The following EHBP1 variants were observed in gnomAD, a reference collection of about 807,000 sequenced individuals.
EHBP1 encodes EH domain binding protein 1, also known as EH domain-binding protein 1.
In EHBP1, 55 loss-of-function variants were observed where a neutral mutation model predicts 144.0. The ratio of observed to expected loss-of-function variants is 0.38; its 90% CI spans 0.31 to 0.48. EHBP1 has a LOEUF of 0.48. EHBP1 is among the 20% of genes least tolerant of loss of function. The pLI, the probability that EHBP1 is intolerant of heterozygous loss-of-function variation, is 0.98. For missense variants in EHBP1, 1,200 were observed against 1,364.2 expected (o/e 0.88, Z 1.90); for synonymous variants, 469 against 472.7 (o/e 0.99, Z 0.10).
intron 2 of EHBP1, among the ~76,000 whole-genome samples, chr2:62,739,094 G>A (rs997060877): frequency 8.5e-5 from 13 of 152,112 alleles, no homozygotes; most frequent in African/African-American, 2.9e-4. Context: ...TTAACTATTC[G>A]TTACATTGGT....
At chr2:62,979,536 AT>A (rs2058867611) in intron 15 of EHBP1, among the ~76,000 whole-genome samples, 1 of 152,216 alleles carries the variant, frequency 6.6e-6, no homozygotes, top group Admixed American at 6.5e-5. Flanking sequence ...TTTTGGCTTC[AT>A]TTAAAAATAC....
chr2:62,924,071 A>C (rs1260129315), intron 10 of EHBP1, among the ~76,000 whole-genome samples: 2 of 152,130 alleles, frequency 1.3e-5, no homozygotes, highest in Non-Finnish European at 2.9e-5. Context: ...CATCCTGTGG[A>C]TCGCCCCCAG....
intron 3 of EHBP1, among the ~76,000 whole-genome samples, chr2:62,756,430 C>T (rs2040286005): frequency 6.6e-6 from 1 of 152,116 alleles, no homozygotes; most frequent in Non-Finnish European, 1.5e-5. Flanking sequence ...AGATGTACTT[C>T]TTGTGAAAAG....
intron 14 of EHBP1, among the ~76,000 whole-genome samples, chr2:62,962,752 A>G (rs993260047): frequency 6.6e-6 from 1 of 152,376 alleles, no homozygotes; most frequent in South Asian, 2.1e-4. Context: ...CAGTGAATTT[A>G]TAAATATGTT....
At chr2:63,026,196 A>T (rs905478247) in intron 19 of EHBP1, among the ~76,000 whole-genome samples, 13 of 152,080 alleles carry the variant, frequency 8.5e-5, no homozygotes, top group Non-Finnish European at 1.3e-4. Flanking sequence ...AAAAACTCTG[A>T]CACTCTGCTG....
intron 10 of EHBP1, among the ~76,000 whole-genome samples, chr2:62,922,268 G>A (rs756594277): frequency 3.9e-5 from 6 of 152,180 alleles, no homozygotes; most frequent in Non-Finnish European, 8.8e-5. Flanking sequence ...GGACAAAGAA[G>A]GGTTGGTCTT....
At chr2:62,909,628 C>T (rs1281149543) in intron 10 of EHBP1, among the ~76,000 whole-genome samples, 1 of 152,224 alleles carries the variant, frequency 6.6e-6, no homozygotes, top group African/African-American at 2.4e-5. Flanking sequence ...GAAATGTCAG[C>T]TGGCAAAAAT....
chr2:62,964,683 T>C (rs901901498), intron 14 of EHBP1, among the ~76,000 whole-genome samples: 1 of 152,222 alleles, frequency 6.6e-6, no homozygotes, highest in Non-Finnish European at 1.5e-5. Context: ...ATTAATTGTT[T>C]TGTACATTTC....
intron 2 of EHBP1, among the ~76,000 whole-genome samples, chr2:62,722,559 T>C (rs987018087): frequency 6.6e-6 from 1 of 152,248 alleles, no homozygotes; most frequent in African/African-American, 2.4e-5. Context: ...AAGAATTCCA[T>C]TGATACCAAA....
intron 5 of EHBP1, among the ~76,000 whole-genome samples, chr2:62,776,341 T>C (rs1207650010): frequency 6.6e-6 from 1 of 152,210 alleles, no homozygotes; most frequent in Non-Finnish European, 1.5e-5. Flanking sequence ...ATTTCACAGC[T>C]TCCATGTAGT....
intron 7 of EHBP1, among the ~76,000 whole-genome samples, chr2:62,838,997 C>T (rs1457446257): frequency 3.1e-4 from 45 of 144,740 alleles, no homozygotes; most frequent in East Asian, 4.0e-4. Flanking sequence ...TTTATGAGGC[C>T]AGCATCATTC....
intron 10 of EHBP1, among the ~76,000 whole-genome samples, chr2:62,916,850 G>A (rs955382070): frequency 8.0e-5 from 12 of 149,778 alleles, no homozygotes; most frequent in Middle Eastern, 3.5e-3. Flanking sequence ...TATATTCATT[G>A]TGTATATAAA....
chr2:62,864,079 C>T (rs927131834), intron 8 of EHBP1, among the ~76,000 whole-genome samples: 2 of 151,924 alleles, frequency 1.3e-5, no homozygotes, highest in Non-Finnish European at 2.9e-5. Flanking sequence ...ACTCCTTGAC[C>T]TCAAGTGATC....
At chr2:62,711,158 C>G (rs1171562261) in intron 2 of EHBP1, among the ~76,000 whole-genome samples, 3 of 152,112 alleles carry the variant, frequency 2.0e-5, no homozygotes, top group Non-Finnish European at 4.4e-5. Flanking sequence ...CACACACATA[C>G]CCTCACACAC....
chr2:62,705,520 G>C (rs1484826064), upstream of EHBP1: 2 of 151,998 alleles, frequency 1.3e-5, no homozygotes, highest in Non-Finnish European at 2.9e-5. Context: ...GGTAGCCTGT[G>C]CGTCGCATTC....
intron 5 of EHBP1, among the ~76,000 whole-genome samples, chr2:62,808,030 C>G (rs985772984): frequency 6.6e-6 from 1 of 150,744 alleles, no homozygotes; most frequent in African/African-American, 2.4e-5. Flanking sequence ...TCCAACCTGG[C>G]CGACAAAGTG....
chr2:62,806,346 C>G (rs899353361), intron 5 of EHBP1, among the ~76,000 whole-genome samples: 1 of 151,808 alleles, frequency 6.6e-6, no homozygotes, highest in Non-Finnish European at 1.5e-5. Flanking sequence ...CACTCTTCTA[C>G]TTTTTGTGGT....
intron 19 of EHBP1, among the ~76,000 whole-genome samples, chr2:63,010,650 C>T (rs1224946246): frequency 6.6e-6 from 1 of 151,564 alleles, no homozygotes; most frequent in Non-Finnish European, 1.5e-5. Flanking sequence ...TTTAATGTAG[C>T]AATTTGACAC....
At chr2:62,927,144 G>T (rs1347010350) in intron 10 of EHBP1, among the ~76,000 whole-genome samples, 6 of 152,146 alleles carry the variant, frequency 3.9e-5, no homozygotes, top group African/African-American at 1.4e-4. Context: ...AAAAGTAAAA[G>T]TTGATCTCAT....
Sources: gnomAD v4.1 joint callset for allele counts (sites outside exome capture counted in the v4.1 genomes callset) on GRCh38, gnomAD v4.1.1 for gene constraint, MANE v1.5 for transcripts, NCBI Gene and HGNC (gene_info 2026-07-23, HGNC 2026-07-21) for gene names.